Variants in NTN1 observed in about 807,000 individuals in gnomAD.
NTN1 encodes netrin-1.
A neutral mutation model predicts 54.2 loss-of-function variants in NTN1; 11 were observed. The ratio of observed to expected loss-of-function variants is 0.20; its 90% CI spans 0.13 to 0.34. NTN1 has a LOEUF of 0.34. Ranked by LOEUF, NTN1 falls within the 10% of genes least tolerant of loss-of-function variation. NTN1 has a pLI of 1.00. For missense variants in NTN1, 740 were observed against 893.1 expected, an observed-to-expected ratio of 0.83 and a Z score of 2.18; for synonymous variants, 371 against 382.0, an observed-to-expected ratio of 0.97 and a Z score of 0.33.
intron 2 of NTN1, among the ~76,000 whole-genome samples, chr17:9,041,148 A>C (rs1054654050): frequency 1.3e-5 from 2 of 152,176 alleles, no homozygotes; most frequent in African/African-American, 4.8e-5. Flanking sequence ...CAAAATGATC[A>C]TATCATTTTT....
chr17:9,035,612 C>CT (rs1386683461), intron 2 of NTN1, among the ~76,000 whole-genome samples: 1 of 152,212 alleles, frequency 6.6e-6, no homozygotes, highest in Non-Finnish European at 1.5e-5. Flanking sequence ...GACAAGGTCT[C>CT]TGTCACCCAG....
intron 5 of NTN1, chr17:9,183,740 T>C (rs1030271529): frequency 3.5e-4 from 62 of 178,802 alleles, no homozygotes; most frequent in Non-Finnish European, 1.3e-4. Context: ...ATTTCCTTTG[T>C]AGACCTGTAT....
chr17:9,093,555 A>G lies in NTN1; in HGVS notation c.1019-69258A>G, dbSNP rs115495899. Among the ~76,000 whole-genome samples the G allele has an allele frequency of 9.8e-3, 1,499 of 152,282 alleles. 33 individuals are homozygous for G. The highest frequency in any genetic ancestry group is 0.033 in the African/African-American group (1,381 of 41,558). ...TTTTCTTAATTTTGGTAGAGATGGT[A>G]TCTTGCTATGTTGCCTAGGCTGATG... On this transcript the variant is annotated intron_variant, in intron 2 of 6. Coordinates refer to ENST00000173229, the MANE Select transcript of NTN1 (RefSeq NM_004822.3).
At chr17:9,174,162 G>A (rs1016909330) in intron 3 of NTN1, 1 of 152,284 alleles carries the variant, frequency 6.6e-6, no homozygotes, top group Non-Finnish European at 1.5e-5. Context: ...AGCCAGCAGG[G>A]GCTCTAAAGA....
intron 5 of NTN1, among the ~76,000 whole-genome samples, chr17:9,205,588 G>A (rs140458491): frequency 1.2e-4 from 18 of 152,370 alleles, no homozygotes; most frequent in East Asian, 7.7e-4. Flanking sequence ...GCGCCTCTGC[G>A]CTCCAGCTGG....
At chr17:9,078,526 T>C (rs146099991) in intron 2 of NTN1, among the ~76,000 whole-genome samples, 1 of 152,344 alleles carries the variant, frequency 6.6e-6, no homozygotes, top group African/African-American at 2.4e-5. Context: ...CTGGCAGAAA[T>C]AGCTTCAGCC....
chr17:9,120,784 C>T (rs1026175210), intron 2 of NTN1, among the ~76,000 whole-genome samples: 2 of 152,212 alleles, frequency 1.3e-5, no homozygotes, highest in Admixed American at 1.3e-4. Flanking sequence ...CTTACATTAC[C>T]CCCATGTTGT....
At chr17:9,200,877 A>C (rs1007613611) in intron 5 of NTN1, among the ~76,000 whole-genome samples, 2 of 152,216 alleles carry the variant, frequency 1.3e-5, no homozygotes, top group African/African-American at 2.4e-5. Context: ...ACACGTCAGC[A>C]GATACCAACA....
intron 2 of NTN1, among the ~76,000 whole-genome samples, chr17:9,060,599 G>A (rs912877684): frequency 3.3e-5 from 5 of 152,110 alleles, no homozygotes; most frequent in African/African-American, 1.2e-4. Context: ...TTTTAACATT[G>A]GGCTTCAGGA....
rs1905132287 is a variant in NTN1 at position 9,212,562 on chromosome 17, C to T, written c.1412-8606C>T. Among the ~76,000 whole-genome samples the T allele has an allele frequency of 6.6e-6, 1 of 152,198 alleles. No individual in the cohort carries two copies. Reference sequence around the variant, plus strand: ...GCCCAGCCGAAATGGACAGAGCTGGCTGGGTGCCCCTGTTAGCCCCAGCCT... The same window carrying T: ...GCCCAGCCGAAATGGACAGAGCTGGTTGGGTGCCCCTGTTAGCCCCAGCCT... On this transcript the variant is annotated intron_variant, in intron 5 of 6. Transcript: ENST00000173229. The surrounding 1 kb of genome is among the most constrained non-coding windows in gnomAD (Gnocchi z 5.5).
intron 5 of NTN1, among the ~76,000 whole-genome samples, chr17:9,185,666 G>A (rs1219207689): frequency 6.6e-6 from 1 of 152,058 alleles, no homozygotes; most frequent in Non-Finnish European, 1.5e-5. Flanking sequence ...AAAGGGCATG[G>A]TACCCAAGGC....
chr17:9,063,300 G>A (rs2092004797), intron 2 of NTN1, among the ~76,000 whole-genome samples: 4 of 152,114 alleles, frequency 2.6e-5, no homozygotes, highest in Admixed American at 2.6e-4. Flanking sequence ...GTTTCATCAT[G>A]TTGGCCAGGC....
At chr17:9,007,787 A>G in the NTN1 span, among the ~76,000 whole-genome samples, 1 of 151,820 alleles carries the variant, frequency 6.6e-6, no homozygotes, top group East Asian at 1.9e-4. Flanking sequence ...GCTGGAGTAC[A>G]GTGGCATGAT....
intron 2 of NTN1, among the ~76,000 whole-genome samples, chr17:9,120,664 C>T (rs35024058): frequency 0.062 from 9,432 of 152,246 alleles, 414 homozygotes; most frequent in Non-Finnish European, 0.095. Flanking sequence ...CATCTGCAAG[C>T]GCCCCCAAGA....
At chr17:9,046,084 A>G (rs1433779976) in intron 2 of NTN1, among the ~76,000 whole-genome samples, 1 of 152,250 alleles carries the variant, frequency 6.6e-6, no homozygotes, top group East Asian at 1.9e-4. Context: ...TGCTTCAAAG[A>G]TACAATCAAG....
chr17:9,016,577 A>G (rs998503934), upstream of NTN1, among the ~76,000 whole-genome samples: 5 of 152,292 alleles, frequency 3.3e-5, no homozygotes, highest in African/African-American at 1.2e-4. Context: ...CATGTTACTC[A>G]TTTTTAATTA....
chr17:9,016,899 GATA>G (rs2091833155), upstream of NTN1, among the ~76,000 whole-genome samples: 1 of 152,174 alleles, frequency 6.6e-6, no homozygotes, highest in Admixed American at 6.5e-5. Flanking sequence ...CTTTCTCATA[GATA>G]GTCACAAACT....
At chr17:9,187,101 C>G (rs949073772) in intron 5 of NTN1, among the ~76,000 whole-genome samples, 7 of 151,976 alleles carry the variant, frequency 4.6e-5, no homozygotes, top group Middle Eastern at 3.4e-3. Flanking sequence ...AGGGACTGTT[C>G]AAAGTTCTTG....
chr17:9,024,504 G>T (rs886333798), intron 2 of NTN1, among the ~76,000 whole-genome samples: 1 of 152,212 alleles, frequency 6.6e-6, no homozygotes, highest in South Asian at 2.1e-4. Context: ...CTCTTCAATT[G>T]CTTTGCCCCT....
Sources: allele counts gnomAD v4.1 joint callset (sites outside exome capture counted in the v4.1 genomes callset), GRCh38; gene constraint gnomAD v4.1.1; non-coding constraint Gnocchi (gnomAD v3.1); transcripts MANE v1.5; gene names NCBI Gene and HGNC (gene_info 2026-07-23, HGNC 2026-07-21).